Variants in TMCO5A observed in about 807,000 individuals in gnomAD.
TMCO5A encodes transmembrane and coiled-coil domain-containing protein 5A.
Under a neutral mutation model 42.3 loss-of-function variants are expected in TMCO5A, and 34 were observed. The observed-to-expected ratio is 0.80, with a 90% confidence interval of 0.61 to 1.07. TMCO5A has a LOEUF of 1.07. Among genes scored for constraint, TMCO5A ranks in the 50% least tolerant of loss-of-function variants. The pLI is 0.00. For missense variants in TMCO5A, 357 were observed against 327.9 expected (o/e 1.09, Z -0.69); for synonymous variants, 131 against 115.6 (o/e 1.13, Z -0.86).
intron 4 of TMCO5A, 116 bp from the exon 5 acceptor site, chr15:37,937,230 C>A: frequency 8.0e-7 from 1 of 1,252,470 alleles, no homozygotes; most frequent in Non-Finnish European, 1.1e-6. Flanking sequence ...TGACATTATG[C>A]AAATAAGGTC....
At chr15:37,943,495 G>T in intron 10 of TMCO5A, 97 bp downstream of exon 10, 1 of 1,209,696 alleles carries the variant, frequency 8.3e-7, no homozygotes, top group Non-Finnish European at 1.2e-6. Flanking sequence ...ACCCAATCTT[G>T]CCATGCGCAT....
intron 11 of TMCO5A, among the ~76,000 whole-genome samples, chr15:37,958,171 T>C (rs982456687): frequency 2.0e-5 from 3 of 152,086 alleles, no homozygotes; most frequent in Non-Finnish European, 2.9e-5. Flanking sequence ...ATTTAGGACA[T>C]AGGCATGAGC....
the TMCO5A span, among the ~76,000 whole-genome samples, chr15:38,007,136 AGCAG>A: frequency 6.6e-6 from 1 of 152,256 alleles, no homozygotes; most frequent in African/African-American, 2.4e-5. Context: ...ATACAAAGAC[AGCAG>A]GCTGAGTTTT....
At chr15:37,989,840 A>G in the TMCO5A span, among the ~76,000 whole-genome samples, 35,321 of 151,934 alleles carry the variant, frequency 0.23, 9,292 homozygotes, top group African/African-American at 0.65. Context: ...CTCACACAGC[A>G]TAGGAGCAGA....
At chr15:38,016,502 T>C in the TMCO5A span, among the ~76,000 whole-genome samples, 12 of 152,096 alleles carry the variant, frequency 7.9e-5, no homozygotes, top group African/African-American at 2.9e-4. Flanking sequence ...GGGGTGCTGA[T>C]TTGGTGCAAG....
At chr15:37,947,306 G>A (rs996649224) in intron 10 of TMCO5A, among the ~76,000 whole-genome samples, 55 of 152,114 alleles carry the variant, frequency 3.6e-4, no homozygotes, top group African/African-American at 1.3e-3. Context: ...AAGGGTCACT[G>A]GCTGAGCAGA....
Position 37,951,080 on chromosome 15 carries a change from T to A in TMCO5A, c.713T>A (p.Leu238Gln), listed in dbSNP as rs772024199. 3 of 1,613,142 alleles carry A rather than the reference T, an allele frequency of 1.9e-6. No homozygotes were observed. In the South Asian group the frequency reaches 3.3e-5, roughly 18 times the overall value. ...LFFITLFFIR[L>Q]LSYMFFHVRF... The stretch of plus-strand genomic sequence containing the variant: ...TTCATCACCCTATTTTTCATCAGAC[T>A]GCTGAGCTACATGTTTTTTCATGTA... Residue 238 changes from leucine to glutamine, a missense_variant, in exon 12 of 12, where the codon CTG becomes CAG. Transcript: ENST00000319669.
chr15:38,025,931 G>A, the TMCO5A span, among the ~76,000 whole-genome samples: 18 of 152,244 alleles, frequency 1.2e-4, no homozygotes, highest in South Asian at 2.1e-4. Context: ...TTCTCTTGCC[G>A]CTGCCATGTA....
the TMCO5A span, among the ~76,000 whole-genome samples, chr15:37,977,289 T>C: frequency 6.6e-6 from 1 of 152,192 alleles, no homozygotes; most frequent in Non-Finnish European, 1.5e-5. Flanking sequence ...AAGAAGACAC[T>C]CTGGCTTTTT....
the TMCO5A span, among the ~76,000 whole-genome samples, chr15:37,987,998 A>T: frequency 6.6e-6 from 1 of 151,896 alleles, no homozygotes; most frequent in African/African-American, 2.4e-5. Context: ...CATGAATGTA[A>T]AATGTCTTTC....
At chr15:38,009,153 T>G in the TMCO5A span, among the ~76,000 whole-genome samples, 1 of 152,206 alleles carries the variant, frequency 6.6e-6, no homozygotes, top group Non-Finnish European at 1.5e-5. Flanking sequence ...CTGGAATCCA[T>G]TACGTATCTT....
chr15:38,038,164 C>A, the TMCO5A span, among the ~76,000 whole-genome samples: 23 of 152,170 alleles, frequency 1.5e-4, no homozygotes, highest in East Asian at 1.5e-3. Flanking sequence ...AGTGATGAGA[C>A]CCTGTTCATA....
At chr15:38,007,845 T>C in the TMCO5A span, among the ~76,000 whole-genome samples, 1 of 148,676 alleles carries the variant, frequency 6.7e-6, no homozygotes, top group Non-Finnish European at 1.5e-5. Context: ...GATTGAGGGT[T>C]GTTCTGAGGG....
the TMCO5A span, among the ~76,000 whole-genome samples, chr15:38,009,727 C>T: frequency 6.6e-6 from 1 of 152,200 alleles, no homozygotes; most frequent in Non-Finnish European, 1.5e-5. Context: ...GGCTTCACCA[C>T]TAAATAGCTG....
rs777279404 is a variant in TMCO5A at position 37,942,211 on chromosome 15, GA to G, written c.529del (p.Ile177Ter). ...TGAAGAAGTACCAGGAAACGTTGAA[GA>G]AAATAGAAGAAGAACTAGAGGCTCT... ...YIKKYQETLK[K>X]IEEELEALFL... On this transcript the variant is annotated frameshift_variant, in exon 9 of 12. Transcript: ENST00000319669. LOFTEE classifies it high-confidence loss of function. 6.2e-7 allele frequency: 1 copy of G among 1,612,824 alleles called. No homozygotes were observed. Among genetic ancestry groups the G allele is most frequent in the Non-Finnish European group, 8.5e-7 (1 of 1,179,206 alleles).
chr15:37,970,433 G>A (rs1423752518), downstream of TMCO5A, among the ~76,000 whole-genome samples: 3 of 152,134 alleles, frequency 2.0e-5, no homozygotes, highest in Admixed American at 6.6e-5. Context: ...ACAATACGTG[G>A]GAATTCAAGA....
the TMCO5A span, among the ~76,000 whole-genome samples, chr15:37,992,882 A>G: frequency 6.6e-6 from 1 of 152,178 alleles, no homozygotes; most frequent in Non-Finnish European, 1.5e-5. Context: ...AGAAGCAGAA[A>G]CAAATAACTA....
At chr15:37,990,701 C>T in the TMCO5A span, among the ~76,000 whole-genome samples, 2 of 152,140 alleles carry the variant, frequency 1.3e-5, no homozygotes, top group South Asian at 4.1e-4. Context: ...TTTTCACCCT[C>T]ATTTCCTGCA....
the TMCO5A span, among the ~76,000 whole-genome samples, chr15:37,982,269 C>T: frequency 3.3e-5 from 5 of 151,976 alleles, no homozygotes; most frequent in East Asian, 9.7e-4. Context: ...AATATGCATC[C>T]TCAGTGAATT....
Sources: gnomAD v4.1 joint callset for allele counts (sites outside exome capture counted in the v4.1 genomes callset) on GRCh38, gnomAD v4.1.1 for gene constraint, MANE v1.5 for transcripts, NCBI Gene and HGNC (gene_info 2026-07-23, HGNC 2026-07-21) for gene names.